STK35: variants seen among roughly 807,000 people sequenced by gnomAD.
STK35 encodes serine/threonine kinase 35.
A neutral mutation model predicts 37.3 loss-of-function variants in STK35; 17 were observed. That is an observed-to-expected ratio of 0.46 (90% CI 0.31 to 0.68). STK35 has a LOEUF of 0.68. Ranked by LOEUF, STK35 falls within the 30% of genes least tolerant of loss-of-function variation. The pLI, the probability that STK35 is intolerant of heterozygous loss-of-function variation, is 0.05. For missense variants in STK35, 595 were observed against 746.7 expected, an observed-to-expected ratio of 0.80 and a Z score of 2.37; for synonymous variants, 385 against 319.1, an observed-to-expected ratio of 1.21 and a Z score of -2.20.
intron 2 of STK35, among the ~76,000 whole-genome samples, chr20:2,114,015 T>C (rs1985668104): frequency 6.6e-6 from 1 of 152,052 alleles, no homozygotes. Context: ...CCAAACTCTT[T>C]GTTTCCTGGT....
Position 2,102,870 on chromosome 20 carries a change from G to A in STK35, c.397G>A (p.Ala133Thr), listed in dbSNP as rs867935752. ...APLLLPPPPA[A>T]METGKDGARR... Reference sequence around the variant, plus strand: ...GTTGCTGCTCCCCCCGCCGCCCGCAGCCATGGAAACGGGGAAGGACGGCGC... The same window carrying A: ...GTTGCTGCTCCCCCCGCCGCCCGCAACCATGGAAACGGGGAAGGACGGCGC... Residue 133 changes from alanine (A) to threonine (T), a missense_variant, in exon 2 of 4, where the codon GCC becomes ACC. Physicochemically the swap from Ala to Thr is moderately conservative, Grantham distance 58. Around this residue, in one of 3 missense-constraint regions of STK35, gnomAD observed 389 missense variants for 320.0 expected, o/e 1.22. Coordinates refer to ENST00000381482, the MANE Select transcript of STK35 (RefSeq NM_080836.4). 6.4e-7 allele frequency: 1 copy of A among 1,563,970 alleles called. No individual in the cohort carries two copies. The highest frequency in any genetic ancestry group is 1.4e-5 in the African/African-American group (1 of 72,398).
chr20:2,115,438 G>C (rs73577259), intron 2 of STK35, among the ~76,000 whole-genome samples: 1,613 of 152,208 alleles, frequency 0.011, 24 homozygotes, highest in African/African-American at 0.034. Flanking sequence ...CTTCTCTTCA[G>C]GTCCTGGCTC....
At chr20:2,114,951 G>T (rs1985688467) in intron 2 of STK35, among the ~76,000 whole-genome samples, 1 of 152,114 alleles carries the variant, frequency 6.6e-6, no homozygotes, top group Non-Finnish European at 1.5e-5. Context: ...TTTAGCATCT[G>T]GATTGACTTG....
At chr20:2,124,995 T>TC (rs138616377) in intron 3 of STK35, among the ~76,000 whole-genome samples, 324 of 152,334 alleles carry the variant, frequency 2.1e-3, no homozygotes, top group Non-Finnish European at 3.6e-3. Context: ...GGATCATCTG[T>TC]CCCTTGCAGC....
At chr20:2,113,528 C>T (rs572651729) in intron 2 of STK35, among the ~76,000 whole-genome samples, 1 of 152,134 alleles carries the variant, frequency 6.6e-6, no homozygotes, top group African/African-American at 2.4e-5. Flanking sequence ...ATAGGAATAG[C>T]CTGGTCTGCC....
chr20:2,128,693 A>C (rs1050129279), intron 3 of STK35, among the ~76,000 whole-genome samples: 3 of 152,078 alleles, frequency 2.0e-5, no homozygotes, highest in Non-Finnish European at 4.4e-5. Context: ...ATCTCAGGGG[A>C]GTGCTGTCAG....
In STK35 at chr20:2,102,858, C is replaced by A. The variant is rs765212171; in HGVS notation, c.385C>A (p.Pro129Thr). 9.7e-6 allele frequency: 15 copies of A among 1,554,216 alleles called. No homozygotes were observed. Among genetic ancestry groups the A allele is most frequent in the East Asian group, 2.5e-5 (1 of 40,626 alleles). ...GARAAPLLLP[P>T]PPAAMETGKD... ...CCGGGCAGCGCCGTTGCTGCTCCCC[C>A]CGCCGCCCGCAGCCATGGAAACGGG... The change falls in exon 2 of 4, where the codon CCG (proline) becomes ACG (threonine). Residue 129 changes from proline to threonine, a missense_variant. Pro to Thr is a conservative substitution (Grantham distance 38). Around this residue, in one of 3 missense-constraint regions of STK35, gnomAD observed 389 missense variants for 320.0 expected, o/e 1.22. Transcript: ENST00000381482.
rs907514215 is a variant in STK35 at position 2,103,970 on chromosome 20, A to G, written c.892+605A>G. Among the ~76,000 whole-genome samples the G allele has an allele frequency of 6.6e-5, 10 of 151,914 alleles. No individual in the cohort carries two copies. In the South Asian group the frequency reaches 1.0e-3, roughly 16 times the overall value. ...GTCCTCTGAGGGGTGCAGGCTGACA[A>G]CCCTCACAGGTGGCCTGAGAGCTGT... On this transcript the variant is annotated intron_variant, in intron 2 of 3. Coordinates refer to ENST00000381482, the MANE Select transcript of STK35 (RefSeq NM_080836.4).
chr20:2,142,837 C>A (rs928354939), intron 3 of STK35, among the ~76,000 whole-genome samples: 1 of 152,218 alleles, frequency 6.6e-6, no homozygotes, highest in Non-Finnish European at 1.5e-5. Context: ...CAGGACAGCG[C>A]TATACTTAGC....
rs750467838 is a variant in STK35, at chr20:2,102,856, C to T, written c.383C>T (p.Pro128Leu). The T allele has an allele frequency of 9.7e-6, 15 of 1,552,872 alleles. No homozygotes were observed. The highest frequency in any genetic ancestry group is 4.2e-5 in the African/African-American group (3 of 72,212). ...GCCCGGGCAGCGCCGTTGCTGCTCCCCCCGCCGCCCGCAGCCATGGAAACG... is the reference window on the plus strand; with the variant it reads ...GCCCGGGCAGCGCCGTTGCTGCTCCTCCCGCCGCCCGCAGCCATGGAAACG... ...GGARAAPLLL[P>L]PPPAAMETGK... Residue 128 changes from proline (P) to leucine (L), a missense_variant, in exon 2 of 4, where the codon CCC (proline) becomes CTC (leucine). This residue lies in a region of STK35 where 389 missense variants were observed against 320.0 expected (regional missense o/e 1.22). Transcript: ENST00000381482.
rs150083046 is a variant in STK35, at chr20:2,129,565, T to C, written c.*37+12150T>C. Among the ~76,000 whole-genome samples the C allele has an allele frequency of 2.1e-3, 319 of 152,188 alleles. 1 individual carries two copies. Among genetic ancestry groups the C allele is most frequent in the African/African-American group, 7.2e-3 (301 of 41,540 alleles). ...GGGACCCGTTAATTTTTTGATCAAC[T>C]GTGTGTTGGGCACTGTAGTGGGTGC... On this transcript the variant is annotated intron_variant, in intron 3 of 3. Coordinates refer to ENST00000381482, the MANE Select transcript of STK35 (RefSeq NM_080836.4).
Position 2,116,702 on chromosome 20 carries a change from A to G in STK35, c.929A>G (p.Tyr310Cys). ...CTGGGTTATGCTGAGGAGCCCTGCTATCTCTGGTTTGTCATGGAGTTCTGT... is the reference window on the plus strand; with the variant it reads ...CTGGGTTATGCTGAGGAGCCCTGCTGTCTCTGGTTTGTCATGGAGTTCTGT... ...RILGYAEEPC[Y>C]LWFVMEFCEG... Residue 310 changes from tyrosine (Y) to cysteine (C), a missense_variant, in exon 3 of 4, where the codon TAT becomes TGT. Transcript: ENST00000381482. The G allele has an allele frequency of 1.9e-6, 3 of 1,614,132 alleles. No homozygotes were observed. Among genetic ancestry groups the G allele is most frequent in the Non-Finnish European group, 2.5e-6 (3 of 1,179,978 alleles).
chr20:2,132,914 G>A (rs1986024499), intron 3 of STK35, among the ~76,000 whole-genome samples: 1 of 152,208 alleles, frequency 6.6e-6, no homozygotes, highest in African/African-American at 2.4e-5. Context: ...GCTGTGTCCG[G>A]CGCAGTTCCT....
rs1277122217 is a variant in STK35 at position 2,147,484 on chromosome 20, G to A, written c.*3738G>A. 6.6e-6 allele frequency: 1 copy of A among 152,448 alleles called. No homozygotes were observed. The highest frequency in any genetic ancestry group is 1.5e-5 in the Non-Finnish European group (1 of 68,040). 9.4% of individuals were successfully genotyped at this position (152,448 alleles called of 1,614,324 possible). On this transcript the variant is annotated 3_prime_UTR_variant, in exon 4 of 4. Transcript: ENST00000381482. ...TAGAAGACATCCTAATAGGATGGAT[G>A]TCTGGGTTTTAGCCTTGGGGTATCT... is the stretch of plus-strand genomic sequence containing the variant.
chr20:2,137,680 C>T lies in STK35; in HGVS notation c.*38-6104C>T, dbSNP rs557644753. 3.9e-5 allele frequency among the ~76,000 whole-genome samples: 6 copies of T among 152,246 alleles called. No individual in the cohort carries two copies. The South Asian group carries it at 1.2e-3, about 32-fold the overall frequency. On this transcript the variant is annotated intron_variant, in intron 3 of 3. Transcript: ENST00000381482. ...CAGCACAGTCATCCCTGTTTTTGCC[C>T]TACTTTAAGCACCACAGTTGGGAGT...
Position 2,143,816 on chromosome 20 carries a change from TCTC to T in STK35, c.*75_*77del, listed in dbSNP as rs1266803007. 1 of 412,092 alleles carries T rather than the reference TCTC, an allele frequency of 2.4e-6. No individual in the cohort carries two copies. Among genetic ancestry groups the T allele is most frequent in the African/African-American group, 2.1e-5 (1 of 46,856 alleles). The allele number at this position is 412,092 out of a possible 1,614,324, so 25.5% of individuals were successfully genotyped here. A position where few individuals can be genotyped will look rare whatever the true frequency, so the allele number is the denominator to read the frequency against. ...CCTCGGGACCCACAGTCTCACCACGTCTCCTCCAGAGGACGGCAGAGGGTACAG... is the reference window on the plus strand; with the variant it reads ...CCTCGGGACCCACAGTCTCACCACGTCTCCAGAGGACGGCAGAGGGTACAG... On this transcript the variant is annotated 3_prime_UTR_variant, in exon 4 of 4. Transcript: ENST00000381482.
At chr20:2,102,265 G>C in intron 1 of STK35, 90 bp downstream of exon 1, 1 of 1,371,694 alleles carries the variant, frequency 7.3e-7, no homozygotes, top group Non-Finnish European at 9.4e-7. Flanking sequence ...TCGGGTCCTC[G>C]GCCAGTCGCA....
At chr20:2,130,923 T>A (rs1296762413) in intron 3 of STK35, among the ~76,000 whole-genome samples, 4 of 152,224 alleles carry the variant, frequency 2.6e-5, no homozygotes, top group Admixed American at 2.6e-4. Flanking sequence ...GGTTGTGTCA[T>A]CTGCCTGCTC....
At position 2,144,233 on chromosome 20, in the gene STK35, TG is replaced by T. The variant is rs1986220067; in HGVS notation, c.*492del. The T allele has an allele frequency of 1.2e-5, 3 of 255,402 alleles. No individual in the cohort carries two copies. The highest frequency in any genetic ancestry group is 1.1e-4 in the South Asian group (3 of 26,554). The allele number at this position is 255,402 out of a possible 1,614,324, so 15.8% of individuals were successfully genotyped here. ...AAGGCCTGCCTCCCCATAGGGAATCTGGGGGTTTCTTCTGGAACGGGGCGTG... is the reference window on the plus strand; with the variant it reads ...AAGGCCTGCCTCCCCATAGGGAATCTGGGGTTTCTTCTGGAACGGGGCGTG... On this transcript the variant is annotated 3_prime_UTR_variant, in exon 4 of 4. Transcript: ENST00000381482.
Sources: gnomAD v4.1 joint callset for allele counts (sites outside exome capture counted in the v4.1 genomes callset) on GRCh38, gnomAD v4.1.1 for gene constraint, gnomAD v4.1.1 regional missense constraint, MANE v1.5 for transcripts, NCBI Gene and HGNC (gene_info 2026-07-23, HGNC 2026-07-21) for gene names.